Variants in RBFOX1 observed in about 807,000 individuals in gnomAD.
The protein encoded by RBFOX1 is RNA binding protein fox-1 homolog 1.
In RBFOX1, 8 loss-of-function variants were observed where a neutral mutation model predicts 57.7. That is an observed-to-expected ratio of 0.14 (90% confidence interval 0.08 to 0.25). The LOEUF (loss-of-function observed/expected upper bound fraction) is 0.25. Ranked by LOEUF, RBFOX1 falls within the 10% of genes least tolerant of loss-of-function variation. The pLI, the probability that RBFOX1 is intolerant of heterozygous loss-of-function variation, is 1.00. For synonymous variants in RBFOX1, 326 were observed against 222.4 expected, an observed-to-expected ratio of 1.47 and a Z score of -4.15; for missense variants, 611 against 548.5, an observed-to-expected ratio of 1.11 and a Z score of -1.14.
intron 4 of RBFOX1, among the ~76,000 whole-genome samples, chr16:7,466,282 T>C (rs1195220499): frequency 6.6e-6 from 1 of 152,236 alleles, no homozygotes; most frequent in Non-Finnish European, 1.5e-5. Context: ...TTGCTGTTTA[T>C]GGTTTTACCA....
At position 6,019,479 on chromosome 16, in the gene RBFOX1, C is replaced by A. The variant is rs1458011682; in HGVS notation, c.-640C>A. 4.0e-5 allele frequency: 40 copies of A among 1,004,384 alleles called. No homozygotes were observed. In the South Asian group the frequency reaches 1.2e-3, roughly 29 times the overall value. The allele number at this position is 1,004,384 out of a possible 1,614,324, so 62.2% of individuals were successfully genotyped here. A position where few individuals can be genotyped will look rare whatever the true frequency, so the allele number is the denominator to read the frequency against. On this transcript the variant is annotated 5_prime_UTR_variant, in exon 1 of 16. Coordinates refer to ENST00000550418, the MANE Select transcript of RBFOX1 (RefSeq NM_018723.4). This position sits in a 1 kb window ranked among gnomAD's most constrained non-coding sequence, Gnocchi z 4.2. ...CGAACTCGCGGAGGGGAATCCCTCCCCCTCCGCCCCAGCCCCCCAGCAGCA... is the reference window on the plus strand; with the variant it reads ...CGAACTCGCGGAGGGGAATCCCTCCACCTCCGCCCCAGCCCCCCAGCAGCA...
At chr16:6,858,542 A>G (rs532219625) in intron 3 of RBFOX1, among the ~76,000 whole-genome samples, 2 of 152,284 alleles carry the variant, frequency 1.3e-5, no homozygotes, top group East Asian at 1.9e-4. Context: ...TGTTTTACTT[A>G]GAATCGTACG....
intron 3 of RBFOX1, among the ~76,000 whole-genome samples, chr16:6,777,507 A>G (rs1382256783): frequency 6.6e-6 from 1 of 152,136 alleles, no homozygotes; most frequent in East Asian, 1.9e-4. Flanking sequence ...GAAGCTTTCT[A>G]CATTCTATTT....
rs562911914 is a variant in RBFOX1, at chr16:6,094,574, G to C, written c.-127+74582G>C. On this transcript the variant is annotated intron_variant, in intron 1 of 15. Coordinates refer to ENST00000550418, the MANE Select transcript of RBFOX1 (RefSeq NM_018723.4). ...TTAGGAGAAATAAAAGAAAGGGCTA[G>C]TTTTGAAGCAGGTAGGTCATAGATA... Among the ~76,000 whole-genome samples the C allele has an allele frequency of 3.9e-5, 6 of 152,320 alleles. 1 individual carries two copies. The South Asian group carries it at 1.2e-3, about 32-fold the overall frequency.
At chr16:5,989,098 A>G (rs1246142430) in intron 4 of RBFOX1, among the ~76,000 whole-genome samples, 1 of 151,716 alleles carries the variant, frequency 6.6e-6, no homozygotes. Flanking sequence ...AGGCGGGTGG[A>G]TCACGAGGTC....
At chr16:7,630,408 G>A (rs1375943029) in intron 10 of RBFOX1, among the ~76,000 whole-genome samples, 195 bp from the exon 11 acceptor site, 1 of 151,982 alleles carries the variant, frequency 6.6e-6, no homozygotes, top group African/African-American at 2.4e-5. Context: ...TTGGTGGGCC[G>A]GGTTGTGGTG....
intron 4 of RBFOX1, among the ~76,000 whole-genome samples, chr16:7,474,909 T>C (rs2062323047): frequency 6.6e-6 from 1 of 152,182 alleles, no homozygotes; most frequent in Non-Finnish European, 1.5e-5. Context: ...CTCATATATT[T>C]TCCAATATTT....
intron 4 of RBFOX1, among the ~76,000 whole-genome samples, chr16:7,242,946 C>T (rs1603439588): frequency 6.6e-6 from 1 of 152,154 alleles, no homozygotes; most frequent in Non-Finnish European, 1.5e-5. Flanking sequence ...TACCTGTCTA[C>T]CTTCTTTATC....
intron 4 of RBFOX1, among the ~76,000 whole-genome samples, chr16:7,332,307 G>T (rs775639756): frequency 2.6e-5 from 4 of 152,172 alleles, no homozygotes; most frequent in Non-Finnish European, 4.4e-5. Flanking sequence ...TACATAACAC[G>T]TGTAAATAAT....
At chr16:6,838,829 A>T (rs1229949403) in intron 3 of RBFOX1, among the ~76,000 whole-genome samples, 1 of 152,146 alleles carries the variant, frequency 6.6e-6, no homozygotes, top group Non-Finnish European at 1.5e-5. Context: ...CAGCTTTCTC[A>T]GGTGCTTCCC....
intron 3 of RBFOX1, among the ~76,000 whole-genome samples, chr16:6,757,844 C>T (rs1479245914): frequency 6.6e-6 from 1 of 151,970 alleles, no homozygotes; most frequent in Non-Finnish European, 1.5e-5. Context: ...GTGATGGATA[C>T]CCCCAATTAC....
intron 4 of RBFOX1, among the ~76,000 whole-genome samples, chr16:7,442,512 T>C (rs938095405): frequency 2.0e-5 from 3 of 152,012 alleles, no homozygotes; most frequent in African/African-American, 7.2e-5. Context: ...TGAATAAAAA[T>C]GAGGAGGCCG....
At chr16:7,356,018 A>G (rs968094309) in intron 4 of RBFOX1, among the ~76,000 whole-genome samples, 3 of 152,256 alleles carry the variant, frequency 2.0e-5, no homozygotes, top group Non-Finnish European at 4.4e-5. Flanking sequence ...TATTGGTTTG[A>G]AAAATGAAGA....
At chr16:7,491,262 C>T (rs1457610990) in intron 4 of RBFOX1, among the ~76,000 whole-genome samples, 1 of 151,966 alleles carries the variant, frequency 6.6e-6, no homozygotes, top group Non-Finnish European at 1.5e-5. Context: ...CACTCCTTAT[C>T]TGCGACTTTG....
At chr16:6,890,061 G>T (rs145026537) in intron 3 of RBFOX1, among the ~76,000 whole-genome samples, 1,880 of 152,284 alleles carry the variant, frequency 0.012, 22 homozygotes, top group Non-Finnish European at 0.02. Flanking sequence ...TGATTTTATA[G>T]ATTTTCTTTT....
At chr16:5,380,289 C>T (rs1045270297) in intron 1 of RBFOX1, among the ~76,000 whole-genome samples, 1 of 152,082 alleles carries the variant, frequency 6.6e-6, no homozygotes, top group East Asian at 1.9e-4. Flanking sequence ...TAAATGTCCA[C>T]AATAGGGGAA....
At chr16:7,527,536 C>T (rs1008745299) in intron 5 of RBFOX1, among the ~76,000 whole-genome samples, 4 of 151,954 alleles carry the variant, frequency 2.6e-5, no homozygotes, top group African/African-American at 4.8e-5. Flanking sequence ...AAAAAAATGG[C>T]GTTGGTTAAA....
intron 4 of RBFOX1, among the ~76,000 whole-genome samples, chr16:7,421,630 T>G (rs1024838573): frequency 2.0e-5 from 3 of 152,248 alleles, no homozygotes; most frequent in African/African-American, 7.2e-5. Context: ...AGTTGGCTGC[T>G]GCTTCCAGAG....
intron 1 of RBFOX1, among the ~76,000 whole-genome samples, chr16:6,136,273 A>G (rs1002620064): frequency 3.3e-5 from 5 of 152,224 alleles, no homozygotes; most frequent in Admixed American, 1.3e-4. Flanking sequence ...CAGGGCCACT[A>G]CCATGCTGGC....
Sources: allele counts gnomAD v4.1 joint callset (sites outside exome capture counted in the v4.1 genomes callset), GRCh38; gene constraint gnomAD v4.1.1; non-coding constraint Gnocchi (gnomAD v3.1); transcripts MANE v1.5; gene names NCBI Gene and HGNC (gene_info 2026-07-23, HGNC 2026-07-21).